The following CFAP54 variants were observed in gnomAD, a reference collection of about 807,000 sequenced individuals.
CFAP54 encodes cilia and flagella associated protein 54, also known as cilia- and flagella-associated protein 54.
In CFAP54, 290 loss-of-function variants were observed where a neutral mutation model predicts 370.4. The observed-to-expected ratio is 0.78, with a 90% CI of 0.71 to 0.86. The LOEUF is 0.86. Ranked by LOEUF, CFAP54 falls within the 40% of genes least tolerant of loss-of-function variation. The probability of loss-of-function intolerance (pLI) is 0.00; values close to 1 mark genes in which losing one functional copy is unlikely to be tolerated. For synonymous variants in CFAP54, 1,206 were observed against 1,236.5 expected (o/e 0.98, Z 0.52); for missense variants, 3,399 against 3,528.7 (o/e 0.96, Z 0.93).
chr12:96,874,546 T>G (rs1960244642), intron 67 of CFAP54, among the ~76,000 whole-genome samples: 1 of 151,330 alleles, frequency 6.6e-6, no homozygotes, highest in Non-Finnish European at 1.5e-5. Context: ...CTTATTACAC[T>G]CACTCAGGTA....
chr12:96,873,141 A>G (rs1367876410), intron 67 of CFAP54, among the ~76,000 whole-genome samples: 4 of 152,208 alleles, frequency 2.6e-5, no homozygotes, highest in Non-Finnish European at 1.5e-5. Context: ...GAAAAGTTGC[A>G]TGCATCATAA....
chr12:96,647,918 G>A lies in CFAP54; in HGVS notation c.4591G>A (p.Gly1531Arg). 1 of 1,512,754 alleles carries A rather than the reference G, an allele frequency of 6.6e-7. No homozygotes were observed. Among genetic ancestry groups the A allele is most frequent in the Non-Finnish European group, 8.8e-7 (1 of 1,138,598 alleles). The allele number at this position is 1,512,754 out of a possible 1,614,324, so 93.7% of individuals were successfully genotyped here. A position where few individuals can be genotyped will look rare whatever the true frequency, so the allele number is the denominator to read the frequency against. ...DPNMFSLYNS[G>R]TVLPTRKLTV... ...TAACATGTTTTCACTGTATAATTCA[G>A]GAACAGTATTACCAACAAGAAAATT... Residue 1531 changes from glycine to arginine, a missense_variant, in exon 34 of 68, where the codon GGA (glycine) becomes AGA (arginine). Physicochemically the swap from Gly to Arg is moderately radical, Grantham distance 125. This residue lies in a region of CFAP54 where 2,796 missense variants were observed against 2,869.7 expected (regional missense o/e 0.97). Transcript: ENST00000524981.
At chr12:96,780,884 G>C (rs1259991309) in intron 60 of CFAP54, among the ~76,000 whole-genome samples, 1 of 152,162 alleles carries the variant, frequency 6.6e-6, no homozygotes, top group African/African-American at 2.4e-5. Context: ...GGAAAAATGA[G>C]TGTCCACTAA....
At chr12:96,742,156 G>C (rs959307477) in intron 51 of CFAP54, among the ~76,000 whole-genome samples, 1 of 152,194 alleles carries the variant, frequency 6.6e-6, no homozygotes, top group Non-Finnish European at 1.5e-5. Flanking sequence ...TTTGCAGTGA[G>C]AAATTCACAC....
At chr12:96,668,145 T>C (rs1957102381) in intron 39 of CFAP54, among the ~76,000 whole-genome samples, 1 of 152,244 alleles carries the variant, frequency 6.6e-6, no homozygotes, top group Non-Finnish European at 1.5e-5. Context: ...TCATTTCTTC[T>C]GAGCCCTGTA....
intron 1 of CFAP54, among the ~76,000 whole-genome samples, chr12:96,498,277 A>C (rs1036306596): frequency 4.6e-5 from 7 of 152,248 alleles, no homozygotes; most frequent in Non-Finnish European, 1.0e-4. Context: ...CCACATGCCA[A>C]AAAATGAATC....
rs372596788 is a variant in CFAP54, at chr12:96,685,021, T to C, written c.5805-8T>C. On this transcript the variant is annotated splice_region_variant and splice_polypyrimidine_tract_variant and intron_variant, in intron 41 of 67. Coordinates refer to ENST00000524981, the MANE Select transcript of CFAP54 (RefSeq NM_001306084.2). ...AACTTACTGCTTGATGCTTTGTCTC[T>C]GTTTTAGGGCTGCTTTTAAGTGTTG... is the stretch of plus-strand genomic sequence containing the variant. 10 of 1,612,986 alleles carry C rather than the reference T, an allele frequency of 6.2e-6. No homozygotes were observed. In the African/African-American group the frequency reaches 1.3e-4, roughly 22 times the overall value.
At chr12:96,599,907 C>T (rs1164929555) in intron 26 of CFAP54, among the ~76,000 whole-genome samples, 2 of 151,906 alleles carry the variant, frequency 1.3e-5, no homozygotes, top group East Asian at 1.9e-4. Flanking sequence ...AGATATTAGC[C>T]CTTTGTCAGA....
At chr12:96,689,361 A>G (rs545437383) in intron 43 of CFAP54, among the ~76,000 whole-genome samples, 1 of 152,170 alleles carries the variant, frequency 6.6e-6, no homozygotes, top group South Asian at 2.1e-4. Flanking sequence ...AGGGTTTACC[A>G]TGTTGGCCAG....
intron 38 of CFAP54, among the ~76,000 whole-genome samples, chr12:96,659,158 G>A (rs1956960429): frequency 6.6e-6 from 1 of 152,302 alleles, no homozygotes; most frequent in South Asian, 2.1e-4. Flanking sequence ...AATGTACCTG[G>A]AGATAGCATC....
chr12:96,615,051 C>A (rs1956400382), intron 26 of CFAP54, among the ~76,000 whole-genome samples: 1 of 152,150 alleles, frequency 6.6e-6, no homozygotes, highest in Admixed American at 6.5e-5. Context: ...CCTGCATTGC[C>A]AAGACAATCC....
At chr12:96,826,213 G>A (rs1244756194) in intron 65 of CFAP54, among the ~76,000 whole-genome samples, 1 of 144,466 alleles carries the variant, frequency 6.9e-6, no homozygotes, top group Non-Finnish European at 1.5e-5. Context: ...TTAAACAAAT[G>A]CAAAAACAAG....
chr12:96,845,097 T>C (rs1959300827), intron 66 of CFAP54, among the ~76,000 whole-genome samples: 1 of 152,224 alleles, frequency 6.6e-6, no homozygotes, highest in Middle Eastern at 3.2e-3. Context: ...CTCTAGTTTT[T>C]CTTACATTCT....
intron 50 of CFAP54, among the ~76,000 whole-genome samples, chr12:96,723,027 G>C (rs1340832577): frequency 6.6e-6 from 1 of 152,128 alleles, no homozygotes; most frequent in African/African-American, 2.4e-5. Flanking sequence ...TTAGAATATA[G>C]ACAGTGTTAT....
At chr12:96,598,290 T>G (rs1956200700) in intron 25 of CFAP54, among the ~76,000 whole-genome samples, 1 of 152,074 alleles carries the variant, frequency 6.6e-6, no homozygotes, top group South Asian at 2.1e-4. Context: ...AGCTTCCATT[T>G]GGTTTTTCAA....
chr12:96,809,418 A>G (rs997850940), intron 63 of CFAP54, among the ~76,000 whole-genome samples: 1 of 151,722 alleles, frequency 6.6e-6, no homozygotes, highest in Admixed American at 6.6e-5. Context: ...TATATTTTCA[A>G]TCTTTTCTTG....
intron 48 of CFAP54, among the ~76,000 whole-genome samples, chr12:96,712,556 G>A (rs922575445): frequency 1.3e-5 from 2 of 151,922 alleles, no homozygotes; most frequent in Non-Finnish European, 2.9e-5. Flanking sequence ...TTCTGTTTTG[G>A]AATATACTAT....
chr12:96,866,065 A>G (rs566041231), intron 67 of CFAP54, among the ~76,000 whole-genome samples: 5 of 152,210 alleles, frequency 3.3e-5, no homozygotes, highest in Admixed American at 2.6e-4. Context: ...AACTTTTTAC[A>G]TGACTGTTAT....
At chr12:96,566,641 A>C (rs1451226357) in intron 19 of CFAP54, among the ~76,000 whole-genome samples, 2 of 152,206 alleles carry the variant, frequency 1.3e-5, no homozygotes, top group African/African-American at 4.8e-5. Context: ...GGTCAGGTCA[A>C]GGACCAGAAA....
Sources: gnomAD v4.1 joint callset for allele counts (sites outside exome capture counted in the v4.1 genomes callset) on GRCh38, gnomAD v4.1.1 for gene constraint, gnomAD v4.1.1 regional missense constraint, MANE v1.5 for transcripts, NCBI Gene and HGNC (gene_info 2026-07-23, HGNC 2026-07-21) for gene names.